HECW1: variants seen among roughly 807,000 people sequenced by gnomAD.
HECW1 encodes the protein E3 ubiquitin-protein ligase HECW1.
Under a neutral mutation model 182.3 loss-of-function variants are expected in HECW1, and 61 were observed. The ratio of observed to expected loss-of-function variants is 0.33; its 90% CI spans 0.27 to 0.41. The LOEUF (loss-of-function observed/expected upper bound fraction) is 0.41, where lower values mean the gene tolerates loss of function less well. Ranked by LOEUF, HECW1 falls within the 10% of genes least tolerant of loss-of-function variation. The probability of loss-of-function intolerance (pLI) is 1.00; values close to 1 mark genes in which losing one functional copy is unlikely to be tolerated. For missense variants in HECW1, 1,739 were observed against 2,108.9 expected (o/e 0.82, Z 3.44); for synonymous variants, 859 against 832.6 (o/e 1.03, Z -0.55).
intron 2 of HECW1, among the ~76,000 whole-genome samples, chr7:43,177,654 T>C (rs1034208099): frequency 6.6e-6 from 1 of 152,224 alleles, no homozygotes; most frequent in African/African-American, 2.4e-5. Flanking sequence ...CTGTGAGCCT[T>C]CATTTCATCC....
rs139345138 is a variant in HECW1 at position 43,220,572 on chromosome 7, TA to T, written c.-31-23302del. Among the ~76,000 whole-genome samples the T allele has an allele frequency of 4.1e-3, 617 of 152,276 alleles. 3 individuals carry two copies. The highest frequency in any genetic ancestry group is 0.014 in the African/African-American group (591 of 41,538). ...GCCCACCAGCTCTAGCATAAACTAT[TA>T]GAGCCTGCCGTGAATAACAAAGGCA... On this transcript the variant is annotated intron_variant, in intron 2 of 29. Coordinates refer to ENST00000395891, the MANE Select transcript of HECW1 (RefSeq NM_015052.5).
Position 43,222,345 on chromosome 7 carries a change from T to C in HECW1, c.-31-21530T>C, listed in dbSNP as rs184930349. Among the ~76,000 whole-genome samples the C allele has an allele frequency of 5.0e-3, 766 of 152,328 alleles. 2 individuals carry two copies. Among genetic ancestry groups the C allele is most frequent in the Non-Finnish European group, 7.6e-3 (520 of 68,034 alleles). ...TAAAATCTGGTTCCATCTCTGTATT[T>C]TGCACATCTTTCAAAGATTATGCAA... is the stretch of plus-strand genomic sequence containing the variant. On this transcript the variant is annotated intron_variant, in intron 2 of 29. Transcript: ENST00000395891.
chr7:43,165,456 C>T (rs1054931730), intron 2 of HECW1, among the ~76,000 whole-genome samples: 2 of 151,908 alleles, frequency 1.3e-5, no homozygotes, highest in Admixed American at 6.6e-5. Context: ...ATACAACAGC[C>T]TCTAATGACA....
At chr7:43,179,085 A>G (rs370880175) in intron 2 of HECW1, among the ~76,000 whole-genome samples, 3 of 152,374 alleles carry the variant, frequency 2.0e-5, no homozygotes, top group East Asian at 1.9e-4. Context: ...CATTTTCTCC[A>G]GAATAATTCA....
intron 6 of HECW1, 57 bp downstream of exon 6, chr7:43,361,037 C>A: frequency 8.1e-7 from 1 of 1,238,214 alleles, no homozygotes; most frequent in Non-Finnish European, 1.2e-6. Flanking sequence ...CTTCACTTTC[C>A]TATTTTGTTC....
intron 3 of HECW1, among the ~76,000 whole-genome samples, chr7:43,284,987 T>G (rs935888866): frequency 1.4e-5 from 2 of 140,312 alleles, no homozygotes; most frequent in Non-Finnish European, 3.1e-5. Flanking sequence ...ATTTATGTGC[T>G]TTCTGTATGG....
intron 7 of HECW1, 35 bp downstream of exon 7, chr7:43,396,924 CTAAGAA>C: frequency 6.8e-7 from 1 of 1,475,508 alleles, no homozygotes; most frequent in Non-Finnish European, 9.5e-7. Context: ...TGTGGAGAGA[CTAAGAA>C]TGTCAACCAA....
intron 3 of HECW1, among the ~76,000 whole-genome samples, chr7:43,304,660 T>C (rs953868754): frequency 1.3e-5 from 2 of 151,914 alleles, no homozygotes; most frequent in East Asian, 3.9e-4. Flanking sequence ...CATGGCTAAT[T>C]TTTTTGTATT....
chr7:43,274,346 A>G (rs1802814513), intron 3 of HECW1: 6 of 733,654 alleles, frequency 8.2e-6, no homozygotes, highest in Non-Finnish European at 1.3e-5. Context: ...TGGATTGTCT[A>G]CTGTGGACAG....
At chr7:43,405,253 T>TTA (rs34816689) in intron 7 of HECW1, among the ~76,000 whole-genome samples, 25,220 of 151,912 alleles carry the variant, frequency 0.17, 2,640 homozygotes, top group Non-Finnish European at 0.24. Flanking sequence ...GATGAATGTT[T>TTA]TATATATATA....
Position 43,407,792 on chromosome 7 carries a change from A to G in HECW1, c.801+61A>G, listed in dbSNP as rs116688208. 1,240 of 1,443,094 alleles carry G rather than the reference A, an allele frequency of 8.6e-4. 3 individuals are homozygous for G. The African/African-American group carries it at 0.01, about 12-fold the overall frequency. 89.4% of individuals were successfully genotyped at this position (1,443,094 alleles called of 1,614,324 possible). A position where few individuals can be genotyped will look rare whatever the true frequency, so the allele number is the denominator to read the frequency against. On this transcript the variant is annotated intron_variant, in intron 8 of 29. Coordinates refer to ENST00000395891, the MANE Select transcript of HECW1 (RefSeq NM_015052.5). Reference sequence around the variant, plus strand: ...AAAGTGAAAGGGCTGACTGTGAACCAGCCCTCCTCCTTCCCTCCATTCATG... The same window carrying G: ...AAAGTGAAAGGGCTGACTGTGAACCGGCCCTCCTCCTTCCCTCCATTCATG...
At chr7:43,420,442 G>A (rs191849772) in intron 8 of HECW1, among the ~76,000 whole-genome samples, 5 of 152,154 alleles carry the variant, frequency 3.3e-5, no homozygotes, top group African/African-American at 4.8e-5. Context: ...AGCCACTTCT[G>A]TTTAATATTG....
chr7:43,550,492 G>A lies in HECW1; in HGVS notation c.4296G>A (p.Thr1432=), dbSNP rs760781754. 18 of 1,614,002 alleles carry A rather than the reference G, an allele frequency of 1.1e-5. No individual in the cohort carries two copies. Among genetic ancestry groups the A allele is most frequent in the South Asian group, 4.4e-5 (4 of 91,066 alleles). ...LKSGGANTQV[T]EKNKKEYIER... ...CTGGAGGAGCCAACACACAGGTGAC[G>A]GAGAAAAACAAGAAGGAGTACATCG... Residue 1432 remains threonine (T), a synonymous_variant, in exon 27 of 30, where the codon ACG becomes ACA. Coordinates refer to ENST00000395891, the MANE Select transcript of HECW1 (RefSeq NM_015052.5).
chr7:43,359,086 A>C (rs1333570093), intron 5 of HECW1, among the ~76,000 whole-genome samples: 1 of 152,184 alleles, frequency 6.6e-6, no homozygotes, highest in Non-Finnish European at 1.5e-5. Context: ...TCGGCCTCCC[A>C]AAGTGTTGGG....
At chr7:43,143,159 C>T (rs35995427) in intron 2 of HECW1, among the ~76,000 whole-genome samples, 25,082 of 152,124 alleles carry the variant, frequency 0.16, 2,387 homozygotes, top group Middle Eastern at 0.29. Flanking sequence ...TTAGTAGAGA[C>T]GGGGTTTTAC....
intron 15 of HECW1, 47 bp downstream of exon 15, chr7:43,466,615 CA>C (rs1246389808): frequency 6.3e-7 from 1 of 1,587,294 alleles, no homozygotes; most frequent in African/African-American, 1.3e-5. Flanking sequence ...CGGCAAGACC[CA>C]AAACACAGCT....
chr7:43,395,821 G>A (rs2075209994), intron 6 of HECW1, among the ~76,000 whole-genome samples: 1 of 152,152 alleles, frequency 6.6e-6, no homozygotes, highest in Non-Finnish European at 1.5e-5. Context: ...ATTACTCCCA[G>A]TCTCATATCA....
At position 43,459,686 on chromosome 7, in the gene HECW1, C is replaced by T. The variant is rs576830209; in HGVS notation, c.2651+3239C>T. Among the ~76,000 whole-genome samples, 21 of 152,166 alleles carry T rather than the reference C, an allele frequency of 1.4e-4. No individual in the cohort carries two copies. The East Asian group carries it at 3.9e-3, about 28-fold the overall frequency. The stretch of plus-strand genomic sequence containing the variant: ...CCGAGTAGCTGGGACTACAGGCATG[C>T]ACCACTGCACTCAGCTAATTTTTGC... On this transcript the variant is annotated intron_variant, in intron 13 of 29. Coordinates refer to ENST00000395891, the MANE Select transcript of HECW1 (RefSeq NM_015052.5).
intron 2 of HECW1, among the ~76,000 whole-genome samples, chr7:43,183,897 C>T (rs994633145): frequency 6.6e-6 from 1 of 152,092 alleles, no homozygotes; most frequent in Non-Finnish European, 1.5e-5. Flanking sequence ...CAAGTGTAGG[C>T]ACACTTTTAA....
Sources: allele counts gnomAD v4.1 joint callset (sites outside exome capture counted in the v4.1 genomes callset), GRCh38; gene constraint gnomAD v4.1.1; transcripts MANE v1.5; gene names NCBI Gene and HGNC (gene_info 2026-07-23, HGNC 2026-07-21).